Variants in OR51B5 observed in about 807,000 individuals in gnomAD.
The protein encoded by OR51B5 is olfactory receptor family 51 subfamily B member 5, also known as olfactory receptor 51B5.
For synonymous variants in OR51B5, 186 were observed against 144.8 expected (o/e 1.28, Z -2.04); for missense variants, 456 against 374.6 (o/e 1.22, Z -1.79).
chr11:5,465,128 C>A (rs1851118680), intron 1 of OR51B5, among the ~76,000 whole-genome samples: 2 of 140,542 alleles, frequency 1.4e-5, no homozygotes, highest in Admixed American at 1.6e-4. Flanking sequence ...ATGGCGTGAA[C>A]CCGGGAGGCG....
intron 1 of OR51B5, among the ~76,000 whole-genome samples, chr11:5,405,484 G>A (rs1020751176): frequency 6.6e-6 from 1 of 151,934 alleles, no homozygotes; most frequent in African/African-American, 2.4e-5. Context: ...ATAAAGCAGT[G>A]ACAAAAGATA....
intron 1 of OR51B5, among the ~76,000 whole-genome samples, chr11:5,375,444 G>C (rs1205918502): frequency 1.6e-5 from 2 of 121,496 alleles, no homozygotes; most frequent in African/African-American, 6.1e-5. Context: ...AAAATAACCA[G>C]CTATCATAAT....
chr11:5,360,576 A>G (rs890940641), intron 1 of OR51B5, among the ~76,000 whole-genome samples: 3 of 152,102 alleles, frequency 2.0e-5, no homozygotes, highest in African/African-American at 7.2e-5. Context: ...TGTGGAAGTC[A>G]GTGTGGCGAT....
intron 1 of OR51B5, chr11:5,440,621 G>T: frequency 6.2e-7 from 1 of 1,613,756 alleles, no homozygotes; most frequent in Non-Finnish European, 8.5e-7. Flanking sequence ...GGATCTCCTT[G>T]GTTTTCACAC....
At chr11:5,443,436 A>AC (rs1472424399) in intron 1 of OR51B5, among the ~76,000 whole-genome samples, 10 of 151,402 alleles carry the variant, frequency 6.6e-5, no homozygotes, top group Middle Eastern at 3.5e-3. Flanking sequence ...TCCTTGCTAA[A>AC]CCTCTCTTCC....
rs142517826 is a variant in OR51B5, at chr11:5,450,883, T to C, written n.84+54686A>G. On this transcript the variant is annotated intron_variant and non_coding_transcript_variant, in intron 1 of 4. Coordinates refer to the OR51B5 transcript ENST00000415970. Reference sequence around the variant, plus strand: ...TGGCTTCCAGCCTCATCCATGTCCCTGCAAAGGACATGACCTGCATGCTCT... The same window carrying C: ...TGGCTTCCAGCCTCATCCATGTCCCCGCAAAGGACATGACCTGCATGCTCT... Among the ~76,000 whole-genome samples the C allele has an allele frequency of 4.0e-3, 614 of 152,110 alleles. 2 individuals are homozygous for C. The highest frequency in any genetic ancestry group is 7.3e-3 in the Non-Finnish European group (494 of 67,986).
intron 1 of OR51B5, among the ~76,000 whole-genome samples, chr11:5,410,556 GT>G (rs1266247546): frequency 6.6e-6 from 1 of 152,022 alleles, no homozygotes; most frequent in Non-Finnish European, 1.5e-5. Flanking sequence ...CCTATCACTT[GT>G]TATTTACTAT....
At chr11:5,343,193 C>T (rs1589942099) in exon 1 of OR51B5, 1 of 1,613,680 alleles carries the variant, frequency 6.2e-7, no homozygotes. Flanking sequence ...AAGCAGAATG[C>T]CAGACTCGAG....
chr11:5,460,593 A>T (rs1259643507), intron 1 of OR51B5, among the ~76,000 whole-genome samples: 1 of 119,554 alleles, frequency 8.4e-6, no homozygotes, highest in African/African-American at 3.1e-5. Flanking sequence ...AGCCATTTCA[A>T]TCAGGTTAAG....
intron 1 of OR51B5, among the ~76,000 whole-genome samples, chr11:5,470,703 C>A (rs1287880827): frequency 6.6e-6 from 1 of 152,146 alleles, no homozygotes; most frequent in African/African-American, 2.4e-5. Context: ...TGCCAGAAAA[C>A]CCTGGAAGTC....
At chr11:5,426,391 G>T (rs964346877) in intron 1 of OR51B5, among the ~76,000 whole-genome samples, 2 of 152,106 alleles carry the variant, frequency 1.3e-5, no homozygotes, top group Non-Finnish European at 2.9e-5. Flanking sequence ...GACATTATAG[G>T]ATTACAGGAT....
At chr11:5,434,828 G>A (rs1040700541) in intron 1 of OR51B5, among the ~76,000 whole-genome samples, 3 of 152,104 alleles carry the variant, frequency 2.0e-5, no homozygotes, top group Non-Finnish European at 4.4e-5. Context: ...GCTGATCTGG[G>A]ACTAGAATCT....
chr11:5,450,401 G>GAATT (rs201113534), intron 1 of OR51B5, among the ~76,000 whole-genome samples: 2 of 151,862 alleles, frequency 1.3e-5, no homozygotes, highest in African/African-American at 2.4e-5. Context: ...ATAAATAAAT[G>GAATT]AATTAATTAA....
chr11:5,406,247 T>C (rs1169801109), intron 1 of OR51B5, among the ~76,000 whole-genome samples: 1 of 152,226 alleles, frequency 6.6e-6, no homozygotes, highest in Non-Finnish European at 1.5e-5. Flanking sequence ...AACTTCTCCT[T>C]AGATGTTTCT....
Position 5,342,969 on chromosome 11 carries a change from C to A in OR51B5, c.556G>T (p.Ala186Ser), listed in dbSNP as rs771737118. ...CGGTTGAAGGTGGTATCAGCACAGGCGAGTTTAATGACATCCTGGTGAAGG... is the reference window on the plus strand; with the variant it reads ...CGGTTGAAGGTGGTATCAGCACAGGAGAGTTTAATGACATCCTGGTGAAGG... Residue 186 changes from alanine to serine, a missense_variant, in exon 1 of 1, where the codon GCC (alanine) becomes TCC (serine). Ala to Ser is a moderately conservative substitution (Grantham distance 99). Transcript: ENST00000300773. 7 of 1,613,404 alleles carry A rather than the reference C, an allele frequency of 4.3e-6. No individual in the cohort carries two copies. The East Asian group carries it at 1.1e-4, about 26-fold the overall frequency.
chr11:5,377,937 T>C (rs1456094066), intron 1 of OR51B5, among the ~76,000 whole-genome samples: 1 of 152,182 alleles, frequency 6.6e-6, no homozygotes, highest in Non-Finnish European at 1.5e-5. Context: ...CCAATGATTT[T>C]CTTCACAGAA....
chr11:5,390,171 G>C (rs749542496), intron 1 of OR51B5: 2 of 1,613,880 alleles, frequency 1.2e-6, no homozygotes, highest in South Asian at 2.2e-5. Context: ...GCTCCTCTCT[G>C]TGCTGTGCTA....
At chr11:5,399,894 G>T (rs7479727) in intron 1 of OR51B5, among the ~76,000 whole-genome samples, 2 of 152,074 alleles carry the variant, frequency 1.3e-5, no homozygotes, top group Non-Finnish European at 2.9e-5. Context: ...TCCAATATCC[G>T]GTTATTTGAG....
At chr11:5,433,326 T>C (rs1278815889) in intron 1 of OR51B5, among the ~76,000 whole-genome samples, 2 of 152,182 alleles carry the variant, frequency 1.3e-5, no homozygotes, top group Admixed American at 6.5e-5. Flanking sequence ...GTTAATGTAA[T>C]ATAACAAATT....
Sources: gnomAD v4.1 joint callset for allele counts (sites outside exome capture counted in the v4.1 genomes callset) on GRCh38, gnomAD v4.1.1 for gene constraint, MANE v1.5 for transcripts, NCBI Gene and HGNC (gene_info 2026-07-23, HGNC 2026-07-21) for gene names.